Variants in CD79A observed in about 807,000 individuals in gnomAD.
The protein encoded by CD79A is B-cell antigen receptor complex-associated protein alpha chain.
A neutral mutation model predicts 27.4 loss-of-function variants in CD79A; 16 were observed. That is an observed-to-expected ratio of 0.58 (90% CI 0.40 to 0.89). The LOEUF (loss-of-function observed/expected upper bound fraction) is 0.89. CD79A is among the 40% of genes least tolerant of loss of function. The pLI, the probability that CD79A is intolerant of heterozygous loss-of-function variation, is 0.00. For synonymous variants in CD79A, 110 were observed against 132.7 expected (o/e 0.83, Z 1.18); for missense variants, 237 against 299.7 (o/e 0.79, Z 1.55).
chr19:41,881,280 T>G lies in CD79A; in HGVS notation c.*300T>G. On this transcript the variant is annotated 3_prime_UTR_variant, in exon 5 of 5. Coordinates refer to ENST00000221972, the MANE Select transcript of CD79A (RefSeq NM_001783.4). ...GTAATGAGCCCTTAATCGCTGCCTC[T>G]AGGGGAGCTGATTGTAGCAGCCTCG... is the stretch of plus-strand genomic sequence containing the variant. 2.0e-6 allele frequency: 1 copy of G among 509,010 alleles called. No homozygotes were observed. The highest frequency in any genetic ancestry group is 3.6e-6 in the Non-Finnish European group (1 of 277,790). 31.5% of individuals were successfully genotyped at this position (509,010 alleles called of 1,614,324 possible).
In CD79A at chr19:41,877,319, A is replaced by C. The variant is rs782032977; in HGVS notation, c.15A>C (p.Pro5=). ...ACTGGGAGAAGATGCCTGGGGGTCC[A>C]GGAGTCCTCCAAGCTCTGCCTGCCA... MPGG[P]GVLQALPATI... is the part of the protein sequence containing the mutation. Residue 5 remains proline, a synonymous_variant, in exon 1 of 5, where the codon CCA becomes CCC. Transcript: ENST00000221972. This position sits in a 1 kb window ranked among gnomAD's most constrained non-coding sequence, Gnocchi z 4.1. 6.2e-7 allele frequency: 1 copy of C among 1,614,106 alleles called. No individual in the cohort carries two copies. The highest frequency in any genetic ancestry group is 1.7e-5 in the Admixed American group (1 of 60,024).
Position 41,877,968 on chromosome 19 carries a change from G to A in CD79A, c.79+585G>A, listed in dbSNP as rs192559631. Among the ~76,000 whole-genome samples, 84 of 152,266 alleles carry A rather than the reference G, an allele frequency of 5.5e-4. 1 individual carries two copies. The highest frequency in any genetic ancestry group is 1.9e-3 in the African/African-American group (78 of 41,554). ...GAGTTCACGTCTGAGTCTTAAGCCC[G>A]TGACGATGAGGGTGCTCGGCCCCTC... On this transcript the variant is annotated intron_variant, in intron 1 of 4. Coordinates refer to ENST00000221972, the MANE Select transcript of CD79A (RefSeq NM_001783.4). This position sits in a 1 kb window ranked among gnomAD's most constrained non-coding sequence, Gnocchi z 4.1.
chr19:41,880,184 C>T (rs1401366441), intron 3 of CD79A, among the ~76,000 whole-genome samples: 1 of 151,194 alleles, frequency 6.6e-6, no homozygotes, highest in African/African-American at 2.4e-5. Flanking sequence ...CCAGCCTGGG[C>T]AACACAGCAA....
chr19:41,879,774 C>T lies in CD79A; in HGVS notation c.498+121C>T. The T allele has an allele frequency of 1.5e-6, 1 of 671,548 alleles. No individual in the cohort carries two copies. The highest frequency in any genetic ancestry group is 2.2e-5 in the Admixed American group (1 of 45,574). The allele number at this position is 671,548 out of a possible 1,614,324, so 41.6% of individuals were successfully genotyped here. A position where few individuals can be genotyped will look rare whatever the true frequency, so the allele number is the denominator to read the frequency against. On this transcript the variant is annotated intron_variant, in intron 3 of 4. Transcript: ENST00000221972. This position sits in a 1 kb window ranked among gnomAD's most constrained non-coding sequence, Gnocchi z 5.1. ...CCAAAACTTGGGAGAATGAAAGCAC[C>T]CACCATATAGGGGCTGTGGGAGTTA...
Position 41,880,654 on chromosome 19 carries a change from C to A in CD79A, c.499-16C>A. The stretch of plus-strand genomic sequence containing the variant: ...CCCCCTGCTCACTGAGGCACCCACC[C>A]CACCCACCCCTACAGAAACGATGGC... On this transcript the variant is annotated splice_polypyrimidine_tract_variant and intron_variant, in intron 3 of 4. Coordinates refer to ENST00000221972, the MANE Select transcript of CD79A (RefSeq NM_001783.4). The A allele has an allele frequency of 8.7e-7, 1 of 1,152,510 alleles. No homozygotes were observed. Among genetic ancestry groups the A allele is most frequent in the Non-Finnish European group, 1.3e-6 (1 of 783,070 alleles). The allele number at this position is 1,152,510 out of a possible 1,614,324, so 71.4% of individuals were successfully genotyped here.
rs1555844128 is a variant in CD79A at position 41,880,860 on chromosome 19, A to C, written c.568-7A>C. 6.3e-7 allele frequency: 1 copy of C among 1,592,400 alleles called. No individual in the cohort carries two copies. Among genetic ancestry groups the C allele is most frequent in the Admixed American group, 1.8e-5 (1 of 57,002 alleles). ...TGCTGATGTTCGCTGCCTCATTTCC[A>C]TCCCAGGGCCTGAACCTGGACGACT... On this transcript the variant is annotated splice_polypyrimidine_tract_variant and splice_region_variant and intron_variant, in intron 4 of 4. Coordinates refer to ENST00000221972, the MANE Select transcript of CD79A (RefSeq NM_001783.4).
rs1446129260 is a variant in CD79A, at chr19:41,879,635, G to A, written c.480G>A (p.Gly160=). The A allele has an allele frequency of 6.2e-7, 1 of 1,610,106 alleles. No homozygotes were observed. The highest frequency in any genetic ancestry group is 8.5e-7 in the Non-Finnish European group (1 of 1,177,468). Residue 160 remains glycine, a synonymous_variant, in exon 3 of 5, where the codon GGG becomes GGA. Coordinates refer to ENST00000221972, the MANE Select transcript of CD79A (RefSeq NM_001783.4). This position sits in a 1 kb window ranked among gnomAD's most constrained non-coding sequence, Gnocchi z 5.1. The part of the protein sequence containing the change: ...IILLFCAVVP[G]TLLLFRKRWQ... ...TCCTGTTCTGCGCGGTGGTGCCTGGGACGCTGCTGCTGTTCAGGGTGAGCC... is the reference window on the plus strand; with the variant it reads ...TCCTGTTCTGCGCGGTGGTGCCTGGAACGCTGCTGCTGTTCAGGGTGAGCC...
chr19:41,879,090 C>T lies in CD79A; in HGVS notation c.180C>T (p.Asn60=). ...AHFQCPHNSS[N]NANVTWWRVL... is the part of the protein sequence containing the mutation. ...TCCAATGCCCGCACAATAGCAGCAA[C>T]AACGCCAACGTCACCTGGTGGCGCG... is the stretch of plus-strand genomic sequence containing the variant. Residue 60 remains asparagine, a synonymous_variant, in exon 2 of 5, where the codon AAC becomes AAT. Coordinates refer to ENST00000221972, the MANE Select transcript of CD79A (RefSeq NM_001783.4). The surrounding 1 kb of genome is among the most constrained non-coding windows in gnomAD (Gnocchi z 5.1). The T allele has an allele frequency of 1.9e-6, 3 of 1,614,084 alleles. No individual in the cohort carries two copies. The highest frequency in any genetic ancestry group is 2.5e-6 in the Non-Finnish European group (3 of 1,180,014).
At position 41,878,886 on chromosome 19, in the gene CD79A, G is replaced by A. The variant is rs759182584; in HGVS notation, c.80-104G>A. The A allele has an allele frequency of 1.7e-5, 15 of 888,972 alleles. No individual in the cohort carries two copies. The highest frequency in any genetic ancestry group is 2.7e-5 in the Non-Finnish European group (15 of 561,348). 55.1% of individuals were successfully genotyped at this position (888,972 alleles called of 1,614,324 possible). A position where few individuals can be genotyped will look rare whatever the true frequency, so the allele number is the denominator to read the frequency against. ...TCTCTCTCTCCCTCCCCACCCAGGA[G>A]AGTCCTCACCCTCTTCCCAGGAGTG... On this transcript the variant is annotated intron_variant, in intron 1 of 4. Transcript: ENST00000221972. The surrounding 1 kb of genome is among the most constrained non-coding windows in gnomAD (Gnocchi z 4.3).
chr19:41,880,456 GGAAGGAA>G lies in CD79A; in HGVS notation c.499-212_499-206del, dbSNP rs1262676466. ...GAGGGAGGGAAGGAAGGGAAGGGAA[GGAAGGAA>G]GGAAGGAAGGAAGGAAGGAAGGAAG... is the stretch of plus-strand genomic sequence containing the variant. On this transcript the variant is annotated intron_variant, in intron 3 of 4. Coordinates refer to ENST00000221972, the MANE Select transcript of CD79A (RefSeq NM_001783.4). Among the ~76,000 whole-genome samples the G allele has an allele frequency of 9.3e-3, 364 of 39,154 alleles. 2 individuals carry two copies. The highest frequency in any genetic ancestry group is 0.014 in the Middle Eastern group (1 of 72). 25.7% of individuals were successfully genotyped at this position (39,154 alleles called of 152,430 possible).
At chr19:41,880,249 C>G (rs1206298724) in intron 3 of CD79A, among the ~76,000 whole-genome samples, 1 of 151,934 alleles carries the variant, frequency 6.6e-6, no homozygotes, top group African/African-American at 2.4e-5. Context: ...GGCATGGTGG[C>G]ACACACCTAT....
At position 41,879,614 on chromosome 19, in the gene CD79A, G is replaced by A. The variant is rs1555843760; in HGVS notation, c.459G>A (p.Leu153=). 32 of 1,612,180 alleles carry A rather than the reference G, an allele frequency of 2.0e-5. No homozygotes were observed. Among genetic ancestry groups the A allele is most frequent in the Middle Eastern group, 1.6e-4 (1 of 6,062 alleles). ...TCACAGCCGAGGGGATCATCCTCCT[G>A]TTCTGCGCGGTGGTGCCTGGGACGC... ...RIITAEGIIL[L]FCAVVPGTLL... Residue 153 remains leucine (L), a synonymous_variant, in exon 3 of 5, where the codon CTG becomes CTA. Transcript: ENST00000221972. This position sits in a 1 kb window ranked among gnomAD's most constrained non-coding sequence, Gnocchi z 5.1.
rs1428471197 is a variant in CD79A at position 41,878,933 on chromosome 19, C to A, written c.80-57C>A. 3 of 1,431,398 alleles carry A rather than the reference C, an allele frequency of 2.1e-6. No homozygotes were observed. Among genetic ancestry groups the A allele is most frequent in the African/African-American group, 1.4e-5 (1 of 71,194 alleles). The allele number at this position is 1,431,398 out of a possible 1,614,324, so 88.7% of individuals were successfully genotyped here. A position where few individuals can be genotyped will look rare whatever the true frequency, so the allele number is the denominator to read the frequency against. ...AGTGCTGGAACTGCAGGGGCCAGGG[C>A]TGGGGAAATGTGTCACCATCCCCAG... On this transcript the variant is annotated intron_variant, in intron 1 of 4. Coordinates refer to ENST00000221972, the MANE Select transcript of CD79A (RefSeq NM_001783.4). This position sits in a 1 kb window ranked among gnomAD's most constrained non-coding sequence, Gnocchi z 4.3.
chr19:41,880,984 C>A lies in CD79A; in HGVS notation c.*4C>A. ...TGTCCAGCTGGAGAAGCCGTGACAC[C>A]CCTACTCCTGCCAGGCTGCCCCCGC... is the stretch of plus-strand genomic sequence containing the variant. On this transcript the variant is annotated 3_prime_UTR_variant, in exon 5 of 5. Coordinates refer to ENST00000221972, the MANE Select transcript of CD79A (RefSeq NM_001783.4). The A allele has an allele frequency of 6.5e-7, 1 of 1,534,662 alleles. No individual in the cohort carries two copies. The highest frequency in any genetic ancestry group is 8.8e-7 in the Non-Finnish European group (1 of 1,130,356).
intron 3 of CD79A, among the ~76,000 whole-genome samples, chr19:41,880,391 AAGAGAG>A (rs370824087): frequency 0.032 from 3,892 of 121,550 alleles, 70 homozygotes; most frequent in Non-Finnish European, 0.043. Flanking sequence ...GAGAGAGAGA[AAGAGAG>A]AGAGAGAGAG....
rs2123308337 is a variant in CD79A, at chr19:41,881,062, T to C, written c.*82T>C. On this transcript the variant is annotated 3_prime_UTR_variant, in exon 5 of 5. Transcript: ENST00000221972. Reference sequence around the variant, plus strand: ...AGCTCACTTCCCTGGGACATTCTCCTTTCAGCCCTTCTGGGGGCTTCCTTA... The same window carrying C: ...AGCTCACTTCCCTGGGACATTCTCCCTTCAGCCCTTCTGGGGGCTTCCTTA... 1.1e-6 allele frequency: 1 copy of C among 871,266 alleles called. No homozygotes were observed. Among genetic ancestry groups the C allele is most frequent in the Admixed American group, 2.0e-5 (1 of 50,198 alleles). 54.0% of individuals were successfully genotyped at this position (871,266 alleles called of 1,614,324 possible).
At chr19:41,880,541 A>G (rs1007897900) in intron 3 of CD79A, 129 bp from the exon 4 acceptor site, 30 of 724,622 alleles carry the variant, frequency 4.1e-5, no homozygotes, top group Non-Finnish European at 7.1e-5. Context: ...GAACTGTTAC[A>G]TAACCAGTAT....
chr19:41,877,482 A>G lies in CD79A; in HGVS notation c.79+99A>G. The G allele has an allele frequency of 1.1e-6, 1 of 950,440 alleles. No individual in the cohort carries two copies. Among genetic ancestry groups the G allele is most frequent in the Non-Finnish European group, 1.7e-6 (1 of 585,804 alleles). 58.9% of individuals were successfully genotyped at this position (950,440 alleles called of 1,614,324 possible). A position where few individuals can be genotyped will look rare whatever the true frequency, so the allele number is the denominator to read the frequency against. ...GGGAAGGGGGCTCAGGGAAAGGGGA[A>G]GAGGAGGCAGAGGATAGGGGACCCA... On this transcript the variant is annotated intron_variant, in intron 1 of 4. Transcript: ENST00000221972. This position sits in a 1 kb window ranked among gnomAD's most constrained non-coding sequence, Gnocchi z 4.1.
At position 41,877,283 on chromosome 19, in the gene CD79A, C is replaced by G. The variant is rs782298720; in HGVS notation, c.-22C>G. 4 of 1,605,704 alleles carry G rather than the reference C, an allele frequency of 2.5e-6. No homozygotes were observed. In the South Asian group the frequency reaches 4.4e-5, roughly 18 times the overall value. On this transcript the variant is annotated 5_prime_UTR_variant, in exon 1 of 5. Coordinates refer to ENST00000221972, the MANE Select transcript of CD79A (RefSeq NM_001783.4). This position sits in a 1 kb window ranked among gnomAD's most constrained non-coding sequence, Gnocchi z 4.1. ...TACCCTGGGACTGCTGCAACTCAAA[C>G]TAACCAACCCACTGGGAGAAGATGC...
Sources: gnomAD v4.1 joint callset for allele counts (sites outside exome capture counted in the v4.1 genomes callset) on GRCh38, gnomAD v4.1.1 for gene constraint, Gnocchi (gnomAD v3.1) non-coding constraint, MANE v1.5 for transcripts, NCBI Gene and HGNC (gene_info 2026-07-23, HGNC 2026-07-21) for gene names.